Variants in ALCAM observed in about 807,000 individuals in gnomAD.
ALCAM encodes CD166 antigen.
A neutral mutation model predicts 70.9 loss-of-function variants in ALCAM; 30 were observed. That is an observed-to-expected ratio of 0.42 (90% CI 0.32 to 0.57). ALCAM has a LOEUF of 0.57. ALCAM is among the 20% of genes least tolerant of loss of function. ALCAM has a pLI of 0.11. For missense variants in ALCAM, 591 were observed against 695.1 expected, an observed-to-expected ratio of 0.85 and a Z score of 1.68; for synonymous variants, 249 against 242.5, an observed-to-expected ratio of 1.03 and a Z score of -0.25.
intron 1 of ALCAM, among the ~76,000 whole-genome samples, chr3:105,499,170 G>A (rs1441641324): frequency 3.3e-5 from 5 of 152,018 alleles, no homozygotes; most frequent in Non-Finnish European, 5.9e-5. Context: ...AAAAACCCAA[G>A]CAAAGTAGAA....
At chr3:105,478,516 C>A (rs913757144) in intron 1 of ALCAM, among the ~76,000 whole-genome samples, 4 of 152,096 alleles carry the variant, frequency 2.6e-5, no homozygotes, top group Non-Finnish European at 5.9e-5. Context: ...CAGTGCAGTC[C>A]ATACACATAC....
chr3:105,367,906 C>G (rs1935109952), intron 1 of ALCAM, among the ~76,000 whole-genome samples: 1 of 151,990 alleles, frequency 6.6e-6, no homozygotes, highest in African/African-American at 2.4e-5. Flanking sequence ...GGCACTTTTT[C>G]GTGATAAATC....
intron 1 of ALCAM, chr3:105,513,240 G>C (rs1939289206): frequency 6.6e-6 from 1 of 151,708 alleles, no homozygotes; most frequent in Admixed American, 6.6e-5. Context: ...ATGATGACTT[G>C]GTAACACAGG....
chr3:105,538,608 T>C (rs1376341723), intron 6 of ALCAM, among the ~76,000 whole-genome samples: 1 of 152,050 alleles, frequency 6.6e-6, no homozygotes, highest in African/African-American at 2.4e-5. Context: ...TTCTGTTGTG[T>C]CAACCTTGAT....
Position 105,576,282 on chromosome 3 carries a change from T to C in ALCAM, c.*1831T>C, listed in dbSNP as rs1437293918. The C allele has an allele frequency of 4.6e-5, 7 of 152,576 alleles. No individual in the cohort carries two copies. Among genetic ancestry groups the C allele is most frequent in the Non-Finnish European group, 1.0e-4 (7 of 68,014 alleles). 9.5% of individuals were successfully genotyped at this position (152,576 alleles called of 1,614,324 possible). On this transcript the variant is annotated 3_prime_UTR_variant, in exon 16 of 16. Transcript: ENST00000306107. ...TAAGCCATTCTGTTATCTCTGTAAA[T>C]ACTGTGATTTCTTTTTTATTTTCTC...
intron 1 of ALCAM, among the ~76,000 whole-genome samples, chr3:105,390,863 A>G (rs1482287366): frequency 1.3e-5 from 2 of 151,974 alleles, no homozygotes; most frequent in Non-Finnish European, 2.9e-5. Flanking sequence ...TCCTTTCCTC[A>G]TTGTTTGTTT....
At chr3:105,563,132 G>A (rs966649753) in intron 14 of ALCAM, among the ~76,000 whole-genome samples, 1 of 148,874 alleles carries the variant, frequency 6.7e-6, no homozygotes, top group African/African-American at 2.5e-5. Flanking sequence ...ATACAGGGTT[G>A]ATTCTTTTTG....
At chr3:105,421,811 G>A (rs921089038) in intron 1 of ALCAM, among the ~76,000 whole-genome samples, 1 of 151,384 alleles carries the variant, frequency 6.6e-6, no homozygotes, top group African/African-American at 2.4e-5. Flanking sequence ...GCCTCTTTAA[G>A]ATGAAAATAC....
At chr3:105,392,544 T>C (rs1308264271) in intron 1 of ALCAM, among the ~76,000 whole-genome samples, 4 of 151,738 alleles carry the variant, frequency 2.6e-5, no homozygotes. Flanking sequence ...ATTCATTGAT[T>C]TTTTTGAAGG....
At chr3:105,465,942 G>A (rs1044504179) in intron 1 of ALCAM, among the ~76,000 whole-genome samples, 1 of 151,348 alleles carries the variant, frequency 6.6e-6, no homozygotes, top group Non-Finnish European at 1.5e-5. Context: ...TGCCCTAGAA[G>A]CAGCTCTACA....
intron 1 of ALCAM, among the ~76,000 whole-genome samples, chr3:105,484,582 C>T (rs77115190): frequency 0.016 from 2,362 of 152,098 alleles, 24 homozygotes; most frequent in Middle Eastern, 0.048. Context: ...AAAACTCAAG[C>T]TTTCTGAGCC....
At chr3:105,432,332 A>G (rs1251446274) in intron 1 of ALCAM, among the ~76,000 whole-genome samples, 1 of 152,156 alleles carries the variant, frequency 6.6e-6, no homozygotes, top group Non-Finnish European at 1.5e-5. Context: ...ATTTGAAAAT[A>G]ATGTATGAAA....
intron 1 of ALCAM, among the ~76,000 whole-genome samples, chr3:105,460,997 G>GGTGT (rs138541739): frequency 1.2e-4 from 18 of 148,154 alleles, no homozygotes; most frequent in African/African-American, 3.5e-4. Context: ...AAGTAAATAT[G>GGTGT]GTGTGTGTGT....
At chr3:105,517,863 C>A (rs1341796472) in intron 1 of ALCAM, among the ~76,000 whole-genome samples, 1 of 152,024 alleles carries the variant, frequency 6.6e-6, no homozygotes, top group Admixed American at 6.6e-5. Context: ...GAAAGAACTC[C>A]AGAGTCATTT....
chr3:105,451,364 AAAG>A (rs1390244817), intron 1 of ALCAM, among the ~76,000 whole-genome samples: 1 of 152,094 alleles, frequency 6.6e-6, no homozygotes, highest in African/African-American at 2.4e-5. Flanking sequence ...GAAAAAAAGA[AAAG>A]AAAGCAAGAA....
intron 1 of ALCAM, among the ~76,000 whole-genome samples, chr3:105,371,177 A>C (rs753166644): frequency 2.0e-5 from 3 of 152,200 alleles, no homozygotes; most frequent in Non-Finnish European, 4.4e-5. Context: ...ATCAAAAAGA[A>C]GAAAATTAAT....
At chr3:105,388,606 T>C (rs1175296777) in intron 1 of ALCAM, among the ~76,000 whole-genome samples, 2 of 151,620 alleles carry the variant, frequency 1.3e-5, no homozygotes, top group African/African-American at 4.8e-5. Context: ...AATAAACTAA[T>C]TTAAGATTCC....
At chr3:105,419,597 G>C (rs1936594119) in intron 1 of ALCAM, among the ~76,000 whole-genome samples, 1 of 151,602 alleles carries the variant, frequency 6.6e-6, no homozygotes, top group African/African-American at 2.4e-5. Context: ...GGACAAAGAA[G>C]GAAAATGAAT....
intron 14 of ALCAM, among the ~76,000 whole-genome samples, chr3:105,565,513 T>C (rs1300960793): frequency 6.6e-6 from 1 of 152,234 alleles, no homozygotes; most frequent in Admixed American, 6.5e-5. Context: ...ATTATTATAC[T>C]AATGTTTTCC....
Sources: allele counts gnomAD v4.1 joint callset (sites outside exome capture counted in the v4.1 genomes callset), GRCh38; gene constraint gnomAD v4.1.1; transcripts MANE v1.5; gene names NCBI Gene and HGNC (gene_info 2026-07-23, HGNC 2026-07-21).